The following SPTLC3 variants were observed in gnomAD, a reference collection of about 807,000 sequenced individuals.
SPTLC3 encodes serine palmitoyltransferase 3.
SPTLC3 carries 36 observed loss-of-function variants against 59.3 expected under a neutral mutation model. That is an observed-to-expected ratio of 0.61 (90% confidence interval 0.47 to 0.80). The LOEUF (loss-of-function observed/expected upper bound fraction) is 0.80. Ranked by LOEUF, SPTLC3 falls within the 30% of genes least tolerant of loss-of-function variation. The probability of loss-of-function intolerance (pLI) is 0.00; values close to 1 mark genes in which losing one functional copy is unlikely to be tolerated. For synonymous variants in SPTLC3, 257 were observed against 240.8 expected (o/e 1.07, Z -0.62); for missense variants, 625 against 685.1 (o/e 0.91, Z 0.98).
chr20:13,013,968 C>T (rs1985389806), intron 1 of SPTLC3, among the ~76,000 whole-genome samples: 1 of 152,192 alleles, frequency 6.6e-6, no homozygotes, highest in Non-Finnish European at 1.5e-5. Flanking sequence ...CAGCTGTTGT[C>T]CAAAGCACCT....
At chr20:13,039,309 T>C (rs1986873204) in intron 1 of SPTLC3, among the ~76,000 whole-genome samples, 4 of 152,120 alleles carry the variant, frequency 2.6e-5, no homozygotes, top group Admixed American at 2.6e-4. Flanking sequence ...GGTAGATGCA[T>C]ACATGTTTAT....
rs1264826477 is a variant in SPTLC3, at chr20:13,126,666, C to A, written c.1228C>A (p.Gln410Lys). 1 of 1,614,086 alleles carries A rather than the reference C, an allele frequency of 6.2e-7. No individual in the cohort carries two copies. The highest frequency in any genetic ancestry group is 8.5e-7 in the Non-Finnish European group (1 of 1,179,954). The stretch of plus-strand genomic sequence containing the variant: ...ATCCATGAGCCCACCGATAGCAGAG[C>A]AAATCATCAGATCACTAAAACTTAT... Reference protein sequence around the residue: ...ASSMSPPIAEQIIRSLKLIMG... With the variant: ...ASSMSPPIAEKIIRSLKLIMG... The change falls in exon 9 of 12, where the codon CAA becomes AAA. Residue 410 changes from glutamine to lysine, a missense_variant. Coordinates refer to ENST00000399002, the MANE Select transcript of SPTLC3 (RefSeq NM_018327.4).
chr20:13,093,485 G>A lies in SPTLC3; in HGVS notation c.734G>A (p.Gly245Glu). The A allele has an allele frequency of 6.2e-7, 1 of 1,613,124 alleles. No individual in the cohort carries two copies. The highest frequency in any genetic ancestry group is 8.5e-7 in the Non-Finnish European group (1 of 1,179,320). Residue 245 changes from glycine (G) to glutamate (E), a missense_variant and splice_region_variant, in exon 6 of 12, where the codon GGA becomes GAA. Physicochemically the swap from Gly to Glu is moderately conservative, Grantham distance 98. Coordinates refer to ENST00000399002, the MANE Select transcript of SPTLC3 (RefSeq NM_018327.4). ...TTTGTGTGCTTGTTTTCTGCACAGG[G>A]ATGCCTCATTTTAAGTGATGAGTTA... Reference protein sequence around the residue: ...SMNIPALVGKGCLILSDELNH... With the variant: ...SMNIPALVGKECLILSDELNH...
At chr20:13,095,513 T>C (rs79874656) in intron 6 of SPTLC3, among the ~76,000 whole-genome samples, 95 of 152,266 alleles carry the variant, frequency 6.2e-4, no homozygotes, top group African/African-American at 2.2e-3. Flanking sequence ...CATACATACA[T>C]ATATAAATGA....
chr20:13,154,388 C>T (rs2038718997), intron 10 of SPTLC3, among the ~76,000 whole-genome samples: 1 of 152,156 alleles, frequency 6.6e-6, no homozygotes, highest in African/African-American at 2.4e-5. Flanking sequence ...AGGGAAATCA[C>T]TTATCTCCCT....
chr20:13,054,380 T>C (rs542268728), intron 2 of SPTLC3, among the ~76,000 whole-genome samples: 3 of 152,138 alleles, frequency 2.0e-5, no homozygotes, highest in Non-Finnish European at 4.4e-5. Flanking sequence ...GTCTACCCTG[T>C]GAGAAATGGA....
intron 8 of SPTLC3, among the ~76,000 whole-genome samples, chr20:13,119,559 C>G (rs1990784472): frequency 6.6e-6 from 1 of 152,304 alleles, no homozygotes; most frequent in Admixed American, 6.5e-5. Context: ...ATTTTCTTAT[C>G]TCTTAAAATG....
chr20:13,085,186 C>T (rs1401395657), intron 4 of SPTLC3, among the ~76,000 whole-genome samples: 1 of 152,070 alleles, frequency 6.6e-6, no homozygotes, highest in Non-Finnish European at 1.5e-5. Context: ...ACTGTATGAC[C>T]TAGACCCATT....
At position 13,072,234 on chromosome 20, in the gene SPTLC3, CCTT is replaced by C. The variant is rs777705843; in HGVS notation, c.304-19_304-17del. The C allele has an allele frequency of 2.5e-6, 4 of 1,599,610 alleles. No individual in the cohort carries two copies. The East Asian group carries it at 6.7e-5, about 27-fold the overall frequency. On this transcript the variant is annotated intron_variant, in intron 2 of 11. Coordinates refer to ENST00000399002, the MANE Select transcript of SPTLC3 (RefSeq NM_018327.4). ...CCAGAAAGCAAAGAACCAGAGATAA[CCTT>C]CTACCTCTGTTCTAACAGGATTTTG...
chr20:13,136,603 A>G (rs1456382151), intron 9 of SPTLC3, among the ~76,000 whole-genome samples: 1 of 125,948 alleles, frequency 7.9e-6, no homozygotes, highest in Non-Finnish European at 1.8e-5. Flanking sequence ...TCATCTAAAA[A>G]CATATATATA....
At chr20:13,018,569 A>G (rs1000126114) in intron 1 of SPTLC3, among the ~76,000 whole-genome samples, 1 of 152,220 alleles carries the variant, frequency 6.6e-6, no homozygotes, top group Non-Finnish European at 1.5e-5. Context: ...TACATTGTCT[A>G]TGAAGAAATA....
chr20:13,055,953 T>A (rs1398900337), intron 2 of SPTLC3, among the ~76,000 whole-genome samples: 1 of 151,986 alleles, frequency 6.6e-6, no homozygotes, highest in Non-Finnish European at 1.5e-5. Context: ...GGGGGCTAGA[T>A]CTTTTTACTC....
chr20:13,037,593 C>T (rs751576570), intron 1 of SPTLC3, among the ~76,000 whole-genome samples: 10 of 152,158 alleles, frequency 6.6e-5, no homozygotes, highest in Non-Finnish European at 1.5e-4. Context: ...GGGAGAAGTG[C>T]TCCTATATAA....
chr20:13,160,599 G>A (rs975885936), intron 11 of SPTLC3, among the ~76,000 whole-genome samples: 2 of 152,174 alleles, frequency 1.3e-5, no homozygotes, highest in African/African-American at 2.4e-5. Flanking sequence ...TTTTAAAATT[G>A]CCTTTTATTG....
At chr20:13,019,788 C>T (rs550459123) in intron 1 of SPTLC3, among the ~76,000 whole-genome samples, 2 of 152,234 alleles carry the variant, frequency 1.3e-5, no homozygotes, top group African/African-American at 4.8e-5. Context: ...CTAACTGGAC[C>T]TTCAAAAGTT....
intron 2 of SPTLC3, among the ~76,000 whole-genome samples, chr20:13,058,077 C>T (rs1285682083): frequency 1.3e-5 from 2 of 152,114 alleles, no homozygotes; most frequent in Non-Finnish European, 2.9e-5. Flanking sequence ...AGTACCCACA[C>T]AAGTAAATCA....
chr20:13,127,630 G>A (rs550994604), intron 9 of SPTLC3, among the ~76,000 whole-genome samples: 3 of 152,146 alleles, frequency 2.0e-5, no homozygotes, highest in Non-Finnish European at 2.9e-5. Flanking sequence ...ATAAGAACAA[G>A]GCTGATCTAG....
At chr20:13,104,488 A>T (rs1288608983) in intron 6 of SPTLC3, among the ~76,000 whole-genome samples, 1 of 152,160 alleles carries the variant, frequency 6.6e-6, no homozygotes, top group African/African-American at 2.4e-5. Context: ...AGGCTTCCCC[A>T]GCCACGTGGA....
chr20:13,049,249 G>T (rs1423482465), intron 2 of SPTLC3, 119 bp downstream of exon 2: 3 of 1,148,748 alleles, frequency 2.6e-6, no homozygotes, highest in Non-Finnish European at 3.8e-6. Flanking sequence ...ACTATTCAGG[G>T]CAAATTTCAT....
Sources: gnomAD v4.1 joint callset for allele counts (sites outside exome capture counted in the v4.1 genomes callset) on GRCh38, gnomAD v4.1.1 for gene constraint, MANE v1.5 for transcripts, NCBI Gene and HGNC (gene_info 2026-07-23, HGNC 2026-07-21) for gene names.